The following EPHB2 variants were observed in gnomAD, a reference collection of about 807,000 sequenced individuals.
The protein encoded by EPHB2 is ephrin type-B receptor 2.
A neutral mutation model predicts 96.4 loss-of-function variants in EPHB2; 18 were observed. The observed-to-expected ratio is 0.19, with a 90% CI of 0.13 to 0.28. The LOEUF (loss-of-function observed/expected upper bound fraction) is 0.28, where lower values mean the gene tolerates loss of function less well. Among genes scored for constraint, EPHB2 ranks in the 10% least tolerant of loss-of-function variants. EPHB2 has a pLI of 1.00. For synonymous variants in EPHB2, 506 were observed against 534.1 expected (o/e 0.95, Z 0.72); for missense variants, 989 against 1,355.4 (o/e 0.73, Z 4.25).
chr1:22,767,500 A>G (rs2817883), intron 1 of EPHB2, among the ~76,000 whole-genome samples: 151,678 of 152,360 alleles, frequency 1, 75,502 homozygotes, highest in Middle Eastern at 1. Flanking sequence ...CAAAATGGGG[A>G]CAATGATCCA....
chr1:22,750,509 G>A (rs1644045207), intron 1 of EPHB2, among the ~76,000 whole-genome samples: 1 of 152,182 alleles, frequency 6.6e-6, no homozygotes, highest in Non-Finnish European at 1.5e-5. Flanking sequence ...GAATCACACA[G>A]TAAGAAAGTT....
chr1:22,745,229 C>A (rs1643955744), intron 1 of EPHB2, among the ~76,000 whole-genome samples: 1 of 152,196 alleles, frequency 6.6e-6, no homozygotes, highest in South Asian at 2.1e-4. Context: ...GTGGGGTATT[C>A]ATTCATACGA....
intron 1 of EPHB2, among the ~76,000 whole-genome samples, chr1:22,721,883 T>C (rs912584961): frequency 6.6e-6 from 1 of 152,108 alleles, no homozygotes; most frequent in Non-Finnish European, 1.5e-5. Flanking sequence ...CCCAAAGTGC[T>C]GGGATTACAG....
intron 1 of EPHB2, among the ~76,000 whole-genome samples, chr1:22,714,145 G>A (rs900882388): frequency 2.0e-5 from 3 of 152,250 alleles, no homozygotes; most frequent in Non-Finnish European, 2.9e-5. Flanking sequence ...GCAAGGAGAC[G>A]GGACAAGCTG....
intron 1 of EPHB2, among the ~76,000 whole-genome samples, chr1:22,753,411 C>T (rs1266394962): frequency 6.6e-6 from 1 of 152,188 alleles, no homozygotes; most frequent in Non-Finnish European, 1.5e-5. Flanking sequence ...GATCACGAGG[C>T]ACTGGGTCCT....
intron 1 of EPHB2, among the ~76,000 whole-genome samples, chr1:22,724,707 A>G (rs1394272992): frequency 6.6e-6 from 1 of 152,148 alleles, no homozygotes; most frequent in African/African-American, 2.4e-5. Context: ...CACAGCCCAG[A>G]GCAGCAGATG....
intron 3 of EPHB2, among the ~76,000 whole-genome samples, chr1:22,801,671 G>A (rs1644845250): frequency 1.3e-5 from 2 of 152,198 alleles, no homozygotes. Flanking sequence ...GCAGCATAGG[G>A]AAACTCCAGC....
chr1:22,745,945 T>C (rs148468754), intron 1 of EPHB2, among the ~76,000 whole-genome samples: 23 of 152,328 alleles, frequency 1.5e-4, no homozygotes, highest in African/African-American at 5.3e-4. Flanking sequence ...ACCTCAGCAG[T>C]CAGCCTGCAC....
chr1:22,768,209 T>C lies in EPHB2; in HGVS notation c.62-13212T>C, dbSNP rs182982031. Among the ~76,000 whole-genome samples the C allele has an allele frequency of 2.4e-3, 366 of 152,312 alleles. 2 individuals are homozygous for C. The highest frequency in any genetic ancestry group is 8.2e-3 in the African/African-American group (342 of 41,576). On this transcript the variant is annotated intron_variant, in intron 1 of 15. Coordinates refer to ENST00000374630, the MANE Select transcript of EPHB2 (RefSeq NM_017449.5). ...GCCATCAGACCTAAAGTGGAATCTC[T>C]TCTCTGCTCCTGACCAGCTGTGTGG...
chr1:22,748,011 C>A (rs75677049), intron 1 of EPHB2, among the ~76,000 whole-genome samples: 1 of 152,146 alleles, frequency 6.6e-6, no homozygotes, highest in Non-Finnish European at 1.5e-5. Context: ...TAGCTGAGAA[C>A]GAGTATGACT....
intron 13 of EPHB2, among the ~76,000 whole-genome samples, chr1:22,910,122 G>GC (rs949137890): frequency 1.1e-4 from 16 of 152,262 alleles, no homozygotes; most frequent in African/African-American, 3.8e-4. Context: ...GGACCCTGGG[G>GC]AGAAGCTATC....
At position 22,736,554 on chromosome 1, in the gene EPHB2, C is replaced by T. The variant is rs61593582; in HGVS notation, c.61+25511C>T. ...GGGGTGGGAAGGAGCCTGGGAGCCT[C>T]GGTGGGGCCTGCAGGCCGCGGTCTG... On this transcript the variant is annotated intron_variant, in intron 1 of 15. Transcript: ENST00000374630. 8.1e-3 allele frequency among the ~76,000 whole-genome samples: 1,234 copies of T among 152,274 alleles called. 20 individuals carry two copies. The highest frequency in any genetic ancestry group is 0.028 in the African/African-American group (1,149 of 41,572).
intron 11 of EPHB2, 115 bp from the exon 12 acceptor site, chr1:22,907,838 G>A (rs896021035): frequency 2.3e-5 from 30 of 1,311,014 alleles, no homozygotes; most frequent in Non-Finnish European, 3.3e-5. Context: ...CCTTCCCCAG[G>A]GGAGCCCAGA....
chr1:22,839,777 G>C (rs1645439466), intron 3 of EPHB2, among the ~76,000 whole-genome samples: 3 of 152,182 alleles, frequency 2.0e-5, no homozygotes, highest in Non-Finnish European at 4.4e-5. Context: ...AATGGGCAAA[G>C]TTGGGACTTG....
rs1040048335 is a variant in EPHB2 at position 22,919,062 on chromosome 1, C to T, written c.*5492C>T. 2.0e-5 allele frequency: 3 copies of T among 152,194 alleles called. No homozygotes were observed. The highest frequency in any genetic ancestry group is 6.5e-5 in the Admixed American group (1 of 15,280). The allele number at this position is 152,194 out of a possible 1,614,324, so 9.4% of individuals were successfully genotyped here. ...TTAACTTGCAGACTCCTGGGCGCCA[C>T]CCCAACCCCCTAAATCAGAATCCCT... is the stretch of plus-strand genomic sequence containing the variant. On this transcript the variant is annotated 3_prime_UTR_variant, in exon 16 of 16. Coordinates refer to ENST00000374630, the MANE Select transcript of EPHB2 (RefSeq NM_017449.5).
chr1:22,758,894 G>C (rs1242471948), intron 1 of EPHB2, among the ~76,000 whole-genome samples: 3 of 143,328 alleles, frequency 2.1e-5, no homozygotes, highest in African/African-American at 7.7e-5. Context: ...TGGATGGCTG[G>C]CTGGATGGAT....
intron 3 of EPHB2, among the ~76,000 whole-genome samples, chr1:22,831,789 C>A (rs1005388775): frequency 1.3e-5 from 2 of 152,106 alleles, no homozygotes; most frequent in Non-Finnish European, 2.9e-5. Context: ...AATGTTGACA[C>A]CCTCCCCTTG....
chr1:22,899,067 C>A (rs1012497647), intron 9 of EPHB2, among the ~76,000 whole-genome samples: 1 of 151,874 alleles, frequency 6.6e-6, no homozygotes, highest in African/African-American at 2.4e-5. Flanking sequence ...GTGGTGCATG[C>A]CTGTAATCCC....
intron 1 of EPHB2, among the ~76,000 whole-genome samples, chr1:22,768,601 G>A: frequency 6.6e-6 from 1 of 151,962 alleles, no homozygotes; most frequent in East Asian, 1.9e-4. Flanking sequence ...GCTGAGGTGG[G>A]AGGATCAGTT....
Sources: gnomAD v4.1 joint callset for allele counts (sites outside exome capture counted in the v4.1 genomes callset) on GRCh38, gnomAD v4.1.1 for gene constraint, MANE v1.5 for transcripts, NCBI Gene and HGNC (gene_info 2026-07-23, HGNC 2026-07-21) for gene names.